The following DAB2IP variants were observed in gnomAD, a reference collection of about 807,000 sequenced individuals.
DAB2IP encodes the protein DAB2 interacting protein.
Under a neutral mutation model 107.2 loss-of-function variants are expected in DAB2IP, and 28 were observed. The observed-to-expected ratio is 0.26, with a 90% CI of 0.19 to 0.36. The LOEUF (loss-of-function observed/expected upper bound fraction) is 0.36. DAB2IP is among the 10% of genes least tolerant of loss of function. The pLI is 1.00. For synonymous variants in DAB2IP, 755 were observed against 706.4 expected (o/e 1.07, Z -1.09); for missense variants, 1,400 against 1,644.7 (o/e 0.85, Z 2.57).
chr9:121,667,066 A>G (rs1419454047), intron 1 of DAB2IP, among the ~76,000 whole-genome samples: 3 of 152,170 alleles, frequency 2.0e-5, no homozygotes, highest in African/African-American at 7.2e-5. Flanking sequence ...GCTGGAGTGC[A>G]GTGGTGCCAT....
At chr9:121,769,275 A>G (rs1157529829) in intron 10 of DAB2IP, among the ~76,000 whole-genome samples, 1 of 152,202 alleles carries the variant, frequency 6.6e-6, no homozygotes, top group African/African-American at 2.4e-5. Context: ...AAGGCCCTTC[A>G]TGCCTCCTGG....
At chr9:121,625,733 G>T (rs1188271225) in intron 1 of DAB2IP, among the ~76,000 whole-genome samples, 2 of 151,878 alleles carry the variant, frequency 1.3e-5, no homozygotes, top group Admixed American at 6.6e-5. Context: ...CAGGCAGGGA[G>T]TCTGGGCCAG....
chr9:121,699,183 G>T lies in DAB2IP; in HGVS notation c.229-142G>T. On this transcript the variant is annotated intron_variant, in intron 2 of 15. Coordinates refer to ENST00000408936, the Ensembl canonical transcript of DAB2IP. The surrounding 1 kb of genome is among the most constrained non-coding windows in gnomAD (Gnocchi z 6.2). ...TCGGCGGGCGGGCGGCGCGGGCCGC[G>T]AGCTGCTGGGGCCGAGCCCGAGCCC... 1 of 931,850 alleles carries T rather than the reference G, an allele frequency of 1.1e-6. No homozygotes were observed. Among genetic ancestry groups the T allele is most frequent in the Non-Finnish European group, 1.3e-6 (1 of 784,704 alleles). 57.7% of individuals were successfully genotyped at this position (931,850 alleles called of 1,614,324 possible). A position where few individuals can be genotyped will look rare whatever the true frequency, so the allele number is the denominator to read the frequency against.
chr9:121,595,386 A>G (rs1263791529), intron 1 of DAB2IP, among the ~76,000 whole-genome samples: 2 of 152,118 alleles, frequency 1.3e-5, no homozygotes, highest in Non-Finnish European at 2.9e-5. Context: ...TGGGCCCAGG[A>G]GTTTGAGACC....
chr9:121,770,740 C>G lies in DAB2IP; in HGVS notation c.2078+16C>G, dbSNP rs750568175. ...ATCTTTCCGGGTAAGAGCTGCCAGC[C>G]ATGTTGGGTGTGGTGGGTGCGTGTG... On this transcript the variant is annotated intron_variant, in intron 11 of 15. Coordinates refer to ENST00000408936, the Ensembl canonical transcript of DAB2IP. 2 of 1,612,400 alleles carry G rather than the reference C, an allele frequency of 1.2e-6. No individual in the cohort carries two copies. Among genetic ancestry groups the G allele is most frequent in the South Asian group, 2.2e-5 (2 of 90,804 alleles).
chr9:121,718,200 C>T (rs569139226), intron 3 of DAB2IP, among the ~76,000 whole-genome samples: 8 of 152,272 alleles, frequency 5.3e-5, no homozygotes, highest in East Asian at 1.9e-4. Context: ...TGCCGGCAGC[C>T]GCGGCTCCTG....
At position 121,699,268 on chromosome 9, in the gene DAB2IP, C is replaced by T; in HGVS notation, c.229-57C>T. 1.6e-6 allele frequency: 2 copies of T among 1,257,222 alleles called. No individual in the cohort carries two copies. Among genetic ancestry groups the T allele is most frequent in the South Asian group, 1.9e-5 (1 of 53,110 alleles). 77.9% of individuals were successfully genotyped at this position (1,257,222 alleles called of 1,614,324 possible). On this transcript the variant is annotated intron_variant, in intron 2 of 15. Coordinates refer to ENST00000408936, the Ensembl canonical transcript of DAB2IP. This position sits in a 1 kb window ranked among gnomAD's most constrained non-coding sequence, Gnocchi z 6.2. ...GTGCGGGTCCCGCGCGGGTCCCGGC[C>T]CGCCGCCGCCGCGCTAACCCCGCCT...
At chr9:121,670,335 G>T (rs974864502) in intron 1 of DAB2IP, among the ~76,000 whole-genome samples, 5 of 152,184 alleles carry the variant, frequency 3.3e-5, no homozygotes, top group Non-Finnish European at 5.9e-5. Flanking sequence ...AAAACTTAGC[G>T]GCTTAAACAA....
At position 121,701,521 on chromosome 9, in the gene DAB2IP, C is replaced by G. The variant is rs1416281422; in HGVS notation, c.362+2063C>G. Among the ~76,000 whole-genome samples, 1 of 152,190 alleles carries G rather than the reference C, an allele frequency of 6.6e-6. No homozygotes were observed. The highest frequency in any genetic ancestry group is 1.5e-5 in the Non-Finnish European group (1 of 68,034). ...AACAAAATATGGCTTGGTGGCCTCT[C>G]TGGCACAGGAAGGGAGCCTAGATTT... On this transcript the variant is annotated intron_variant, in intron 3 of 15. Coordinates refer to ENST00000408936, the Ensembl canonical transcript of DAB2IP. This position sits in a 1 kb window ranked among gnomAD's most constrained non-coding sequence, Gnocchi z 4.7.
At chr9:121,706,701 C>T (rs1830075255) in intron 3 of DAB2IP, among the ~76,000 whole-genome samples, 1 of 152,172 alleles carries the variant, frequency 6.6e-6, no homozygotes, top group Admixed American at 6.5e-5. Flanking sequence ...GTTTCCCCTC[C>T]CAGCTGGGGC....
chr9:121,758,748 CG>C, intron 4 of DAB2IP, 149 bp from the exon 5 acceptor site: 1 of 661,892 alleles, frequency 1.5e-6, no homozygotes, highest in Non-Finnish European at 2.7e-6. Context: ...GAAGTAGAGG[CG>C]TCATATGAGC....
At chr9:121,773,363 C>T (rs1348610173) in exon 12 of DAB2IP, 2 of 1,589,724 alleles carry the variant, frequency 1.3e-6, no homozygotes, top group East Asian at 2.3e-5. Flanking sequence ...CCCTGCAGTA[C>T]CCAAGACCCT....
intron 2 of DAB2IP, among the ~76,000 whole-genome samples, chr9:121,682,273 G>C: frequency 6.6e-6 from 1 of 152,348 alleles, no homozygotes. Flanking sequence ...TTTGCCTCGG[G>C]GAGGCAGGGG....
intron 3 of DAB2IP, among the ~76,000 whole-genome samples, chr9:121,721,075 C>T (rs1338883382): frequency 1.3e-5 from 2 of 152,208 alleles, no homozygotes; most frequent in Admixed American, 1.3e-4. Flanking sequence ...TCCTGGGGAT[C>T]ACTGTCCATG....
intron 1 of DAB2IP, among the ~76,000 whole-genome samples, chr9:121,569,230 G>A (rs535168574): frequency 6.6e-6 from 1 of 152,352 alleles, no homozygotes; most frequent in African/African-American, 2.4e-5. Context: ...TCTGAGCCCC[G>A]GTTCTACATT....
At chr9:121,671,337 A>AAACAAC (rs913052402) in intron 1 of DAB2IP, among the ~76,000 whole-genome samples, 2 of 152,136 alleles carry the variant, frequency 1.3e-5, no homozygotes, top group African/African-American at 4.8e-5. Flanking sequence ...CTCCATCTCA[A>AAACAAC]AACAACAACA....
chr9:121,697,056 T>TTGGGTGGGGGAGTTA (rs1326893794), intron 2 of DAB2IP, among the ~76,000 whole-genome samples: 27 of 151,948 alleles, frequency 1.8e-4, no homozygotes, highest in Admixed American at 1.6e-3. Context: ...CATTGTCAGT[T>TTGGGTGGGGGAGTTA]TGGGTGGGGG....
chr9:121,597,350 AC>A (rs1310173857), intron 1 of DAB2IP, among the ~76,000 whole-genome samples: 1 of 152,142 alleles, frequency 6.6e-6, no homozygotes, highest in African/African-American at 2.4e-5. Context: ...TTGCTCTAGC[AC>A]CATTTATAGA....
intron 3 of DAB2IP, among the ~76,000 whole-genome samples, chr9:121,730,614 G>A (rs982696571): frequency 6.6e-6 from 1 of 152,208 alleles, no homozygotes; most frequent in Non-Finnish European, 1.5e-5. Flanking sequence ...GACATTTAAT[G>A]TCCAACACCT....
Sources: allele counts gnomAD v4.1 joint callset (sites outside exome capture counted in the v4.1 genomes callset), GRCh38; gene constraint gnomAD v4.1.1; non-coding constraint Gnocchi (gnomAD v3.1); transcripts MANE v1.5; gene names NCBI Gene and HGNC (gene_info 2026-07-23, HGNC 2026-07-21).